EPHA6: variants seen among roughly 807,000 people sequenced by gnomAD.
The protein encoded by EPHA6 is ephrin type-A receptor 6.
In EPHA6, 50 loss-of-function variants were observed where a neutral mutation model predicts 112.0. The ratio of observed to expected loss-of-function variants is 0.45; its 90% CI spans 0.36 to 0.56. The LOEUF is 0.56. Ranked by LOEUF, EPHA6 falls within the 20% of genes least tolerant of loss-of-function variation. The pLI is 0.00. For missense variants in EPHA6, 1,280 were observed against 1,417.4 expected, an observed-to-expected ratio of 0.90 and a Z score of 1.56; for synonymous variants, 529 against 490.7, an observed-to-expected ratio of 1.08 and a Z score of -1.03.
At chr3:97,165,238 C>T (rs1462674418) in intron 3 of EPHA6, among the ~76,000 whole-genome samples, 1 of 152,098 alleles carries the variant, frequency 6.6e-6, no homozygotes, top group African/African-American at 2.4e-5. Flanking sequence ...ACCTATACTC[C>T]AAGATTACCT....
At chr3:97,085,867 C>T (rs1315036271) in intron 3 of EPHA6, among the ~76,000 whole-genome samples, 2 of 149,156 alleles carry the variant, frequency 1.3e-5, no homozygotes, top group Non-Finnish European at 1.5e-5. Context: ...GAAGTTCTCT[C>T]GTAGAAATTG....
At chr3:96,863,249 A>AT (rs968173950) in intron 1 of EPHA6, among the ~76,000 whole-genome samples, 4 of 151,682 alleles carry the variant, frequency 2.6e-5, no homozygotes, top group East Asian at 1.9e-4. Flanking sequence ...TGCTGATGTA[A>AT]TTTTTTTTCT....
chr3:96,969,199 A>G (rs1437025373), intron 2 of EPHA6, among the ~76,000 whole-genome samples: 2 of 151,958 alleles, frequency 1.3e-5, no homozygotes, highest in East Asian at 3.9e-4. Context: ...TTTTCCCATT[A>G]TATATGTACT....
At chr3:97,628,023 C>T (rs182220883) in intron 13 of EPHA6, among the ~76,000 whole-genome samples, 1 of 152,082 alleles carries the variant, frequency 6.6e-6, no homozygotes, top group Admixed American at 6.6e-5. Flanking sequence ...TGGGAAGCCA[C>T]TGTAGTCTTT....
intron 11 of EPHA6, among the ~76,000 whole-genome samples, chr3:97,577,810 TG>T (rs2093401472): frequency 4.6e-5 from 7 of 152,148 alleles, no homozygotes; most frequent in Admixed American, 1.3e-4. Flanking sequence ...TTTTTGTTTT[TG>T]TTTTTCTTGG....
chr3:97,447,943 AT>A, intron 6 of EPHA6: 1 of 257,532 alleles, frequency 3.9e-6, no homozygotes, highest in Non-Finnish European at 6.4e-6. Flanking sequence ...AATAAGCTAT[AT>A]TTAGGGGAGG....
chr3:97,525,685 T>C (rs763967018), intron 10 of EPHA6, among the ~76,000 whole-genome samples: 3 of 152,172 alleles, frequency 2.0e-5, no homozygotes, highest in Non-Finnish European at 2.9e-5. Flanking sequence ...TGAGATTACC[T>C]CTGGGCTCAT....
chr3:97,535,891 T>A (rs1242544003), intron 11 of EPHA6, among the ~76,000 whole-genome samples: 1 of 152,182 alleles, frequency 6.6e-6, no homozygotes, highest in African/African-American at 2.4e-5. Context: ...ACAAGTGTTA[T>A]AAAGTTCTTG....
intron 1 of EPHA6, among the ~76,000 whole-genome samples, chr3:96,834,170 A>G (rs1332305556): frequency 6.6e-6 from 1 of 152,030 alleles, no homozygotes; most frequent in Admixed American, 6.6e-5. Flanking sequence ...GACCATTTAC[A>G]TATACCTCAG....
At position 97,070,958 on chromosome 3, in the gene EPHA6, C is replaced by A. The variant is rs186137427; in HGVS notation, c.1114+82965C>A. Among the ~76,000 whole-genome samples, 432 of 152,140 alleles carry A rather than the reference C, an allele frequency of 2.8e-3. 1 individual carries two copies. Among genetic ancestry groups the A allele is most frequent in the Non-Finnish European group, 4.9e-3 (334 of 67,982 alleles). On this transcript the variant is annotated intron_variant, in intron 3 of 17. Coordinates refer to ENST00000389672, the MANE Select transcript of EPHA6 (RefSeq NM_001080448.3). The stretch of plus-strand genomic sequence containing the variant: ...GGCCCTATAATGTTTGCCATTTATT[C>A]ATAGAATTAACTTTTGTAGTATAGA...
chr3:96,847,481 C>A (rs2107352701), intron 1 of EPHA6, among the ~76,000 whole-genome samples: 1 of 151,894 alleles, frequency 6.6e-6, no homozygotes, highest in East Asian at 1.9e-4. Context: ...TTCTTCATTG[C>A]TGTTGTCAAA....
intron 3 of EPHA6, among the ~76,000 whole-genome samples, chr3:97,109,679 G>T (rs1576503940): frequency 6.6e-6 from 1 of 152,138 alleles, no homozygotes; most frequent in Admixed American, 6.6e-5. Flanking sequence ...GAGATGTCAA[G>T]AAGATGTGCA....
chr3:97,689,545 T>C (rs543636636), intron 14 of EPHA6, among the ~76,000 whole-genome samples: 2 of 152,340 alleles, frequency 1.3e-5, no homozygotes, highest in Admixed American at 6.5e-5. Context: ...TCCCACTCCC[T>C]GCAATGGCTG....
intron 3 of EPHA6, among the ~76,000 whole-genome samples, chr3:96,999,227 T>C (rs989769202): frequency 6.6e-6 from 1 of 151,910 alleles, no homozygotes; most frequent in Non-Finnish European, 1.5e-5. Flanking sequence ...TGTCATCAGT[T>C]TTTTTATTTG....
chr3:97,554,926 T>C (rs2093081838), intron 11 of EPHA6, among the ~76,000 whole-genome samples: 1 of 148,674 alleles, frequency 6.7e-6, no homozygotes, highest in East Asian at 2.0e-4. Context: ...GAGTGTGCCT[T>C]TTTTTTTTTA....
intron 4 of EPHA6, among the ~76,000 whole-genome samples, chr3:97,228,539 G>GTATA (rs112022130): frequency 8.8e-4 from 129 of 146,048 alleles, no homozygotes; most frequent in African/African-American, 2.7e-3. Context: ...GTGTGTGTGT[G>GTATA]TATATATATA....
At chr3:97,688,204 A>G (rs2032392958) in intron 14 of EPHA6, among the ~76,000 whole-genome samples, 1 of 152,118 alleles carries the variant, frequency 6.6e-6, no homozygotes, top group South Asian at 2.1e-4. Context: ...CTTTCAATGT[A>G]TGTCCAGAAA....
intron 11 of EPHA6, among the ~76,000 whole-genome samples, chr3:97,547,208 G>T (rs2092963747): frequency 6.6e-6 from 1 of 152,082 alleles, no homozygotes. Flanking sequence ...ATCTACCTTT[G>T]GTCTTTGATG....
chr3:97,312,663 T>C (rs1278901083), intron 5 of EPHA6, among the ~76,000 whole-genome samples: 2 of 151,588 alleles, frequency 1.3e-5, no homozygotes, highest in African/African-American at 2.4e-5. Context: ...TGAAGAAGTT[T>C]CCTCCTATGC....
Sources: gnomAD v4.1 joint callset for allele counts (sites outside exome capture counted in the v4.1 genomes callset) on GRCh38, gnomAD v4.1.1 for gene constraint, MANE v1.5 for transcripts, NCBI Gene and HGNC (gene_info 2026-07-23, HGNC 2026-07-21) for gene names.